The following GFRAL variants were observed in gnomAD, a reference collection of about 807,000 sequenced individuals.
GFRAL encodes GDNF family receptor alpha-like.
GFRAL carries 36 observed loss-of-function variants against 45.4 expected under a neutral mutation model. The ratio of observed to expected loss-of-function variants is 0.79; its 90% CI spans 0.61 to 1.05. GFRAL has a LOEUF of 1.05. Among genes scored for constraint, GFRAL ranks in the 50% least tolerant of loss-of-function variants. The probability of loss-of-function intolerance (pLI) is 0.00; values close to 1 mark genes in which losing one functional copy is unlikely to be tolerated. For missense variants in GFRAL, 507 were observed against 467.5 expected (o/e 1.08, Z -0.78); for synonymous variants, 166 against 154.1 (o/e 1.08, Z -0.57).
intron 6 of GFRAL, among the ~76,000 whole-genome samples, chr6:55,395,193 T>TATATATATAA (rs1768808580): frequency 1.4e-5 from 2 of 147,160 alleles, no homozygotes; most frequent in African/African-American, 5.0e-5. Context: ...TATATATATA[T>TATATATATAA]AAGCCAGCTA....
intron 6 of GFRAL, among the ~76,000 whole-genome samples, chr6:55,373,999 G>A (rs924310226): frequency 2.6e-5 from 4 of 152,114 alleles, no homozygotes; most frequent in Non-Finnish European, 4.4e-5. Context: ...CACATGCAGT[G>A]TTCGGTTTTC....
At chr6:55,351,646 C>T (rs371895151) in intron 5 of GFRAL, 63 bp downstream of exon 5, 166 of 1,169,528 alleles carry the variant, frequency 1.4e-4, no homozygotes, top group East Asian at 5.5e-4. Flanking sequence ...TAGTCCAGTC[C>T]TAACACTTGA....
At chr6:55,382,159 T>C (rs1768619320) in intron 6 of GFRAL, among the ~76,000 whole-genome samples, 1 of 151,932 alleles carries the variant, frequency 6.6e-6, no homozygotes, top group South Asian at 2.1e-4. Flanking sequence ...CAGTATTTGG[T>C]ATTTTCTGGA....
intron 5 of GFRAL, among the ~76,000 whole-genome samples, chr6:55,356,658 A>G (rs1768198807): frequency 6.6e-6 from 1 of 151,552 alleles, no homozygotes; most frequent in Non-Finnish European, 1.5e-5. Flanking sequence ...CCAACTTTTC[A>G]TTTTGTTAAT....
At chr6:55,355,383 A>G (rs2127356308) in intron 5 of GFRAL, among the ~76,000 whole-genome samples, 1 of 152,140 alleles carries the variant, frequency 6.6e-6, no homozygotes, top group East Asian at 1.9e-4. Context: ...CAAATGTTTG[A>G]ATGGCTATAG....
At chr6:55,344,307 G>T (rs532646558) in intron 3 of GFRAL, among the ~76,000 whole-genome samples, 1 of 152,084 alleles carries the variant, frequency 6.6e-6, no homozygotes, top group East Asian at 1.9e-4. Flanking sequence ...CTGGCAAACC[G>T]AATCCAGCAG....
chr6:55,402,058 C>A lies in GFRAL; in HGVS notation c.*205C>A. ...ATGGCTCAATCTCGGTTCACTGCAA[C>A]CTCTGCCTCCAAGGTTCAAGTGATT... On this transcript the variant is annotated 3_prime_UTR_variant, in exon 9 of 9. Transcript: ENST00000340465. 1 of 416,374 alleles carries A rather than the reference C, an allele frequency of 2.4e-6. No individual in the cohort carries two copies. Among genetic ancestry groups the A allele is most frequent in the Non-Finnish European group, 4.2e-6 (1 of 237,388 alleles). 25.8% of individuals were successfully genotyped at this position (416,374 alleles called of 1,614,324 possible). A position where few individuals can be genotyped will look rare whatever the true frequency, so the allele number is the denominator to read the frequency against.
chr6:55,395,640 G>A (rs1426496802), intron 6 of GFRAL, among the ~76,000 whole-genome samples: 1 of 151,902 alleles, frequency 6.6e-6, no homozygotes, highest in Non-Finnish European at 1.5e-5. Context: ...TATATCTCAA[G>A]TATTCTGACA....
intron 6 of GFRAL, among the ~76,000 whole-genome samples, chr6:55,392,431 A>G (rs968642562): frequency 6.6e-6 from 1 of 152,202 alleles, no homozygotes; most frequent in Non-Finnish European, 1.5e-5. Flanking sequence ...GTGGACATTT[A>G]CAGGTAACTA....
At chr6:55,371,511 C>A (rs1007925562) in intron 6 of GFRAL, among the ~76,000 whole-genome samples, 1 of 152,014 alleles carries the variant, frequency 6.6e-6, no homozygotes, top group African/African-American at 2.4e-5. Context: ...TAGTGAGCAC[C>A]CTTGCCTTGT....
intron 6 of GFRAL, among the ~76,000 whole-genome samples, chr6:55,396,008 G>A (rs529328452): frequency 1.8e-4 from 27 of 152,210 alleles, no homozygotes; most frequent in African/African-American, 6.5e-4. Context: ...AGAGCAGATG[G>A]TCTGGGGCTG....
intron 6 of GFRAL, among the ~76,000 whole-genome samples, chr6:55,395,976 C>A (rs1401171758): frequency 1.3e-5 from 2 of 152,072 alleles, no homozygotes; most frequent in Non-Finnish European, 2.9e-5. Context: ...AAACAAGTCA[C>A]TGACAGTGTT....
At position 55,330,591 on chromosome 6, in the gene GFRAL, T is replaced by C. The variant is rs367624724; in HGVS notation, c.23-1124T>C. Among the ~76,000 whole-genome samples the C allele has an allele frequency of 2.8e-4, 42 of 152,250 alleles. 1 individual carries two copies. In the South Asian group the frequency reaches 4.4e-3, roughly 16 times the overall value. The stretch of plus-strand genomic sequence containing the variant: ...CCAGAAGAAAAAGAAAGAAAATACT[T>C]ATCAGGGATCAGACAGTAGGTATGC... On this transcript the variant is annotated intron_variant, in intron 1 of 8. Coordinates refer to ENST00000340465, the MANE Select transcript of GFRAL (RefSeq NM_207410.2).
At chr6:55,397,488 G>A (rs1056425154) in intron 6 of GFRAL, among the ~76,000 whole-genome samples, 3 of 121,770 alleles carry the variant, frequency 2.5e-5, no homozygotes, top group East Asian at 5.2e-4. Flanking sequence ...ACTGCAGTCC[G>A]CAGTCCGGCC....
chr6:55,354,364 T>G (rs1309557555), intron 5 of GFRAL, among the ~76,000 whole-genome samples: 3 of 151,860 alleles, frequency 2.0e-5, no homozygotes, highest in African/African-American at 7.3e-5. Context: ...GGGTCTGGAG[T>G]GGGATAAGCA....
intron 2 of GFRAL, among the ~76,000 whole-genome samples, chr6:55,332,910 T>A (rs1232119694): frequency 1.3e-5 from 2 of 152,244 alleles, no homozygotes; most frequent in East Asian, 3.9e-4. Context: ...CATAGTCAAT[T>A]TATACAGTAG....
intron 6 of GFRAL, among the ~76,000 whole-genome samples, chr6:55,375,512 G>A (rs973119241): frequency 6.6e-6 from 1 of 152,092 alleles, no homozygotes; most frequent in Non-Finnish European, 1.5e-5. Context: ...ATTAGCTTAA[G>A]AAGCCTTTGG....
intron 3 of GFRAL, among the ~76,000 whole-genome samples, chr6:55,343,593 C>T (rs2127352880): frequency 6.6e-6 from 1 of 152,268 alleles, no homozygotes; most frequent in South Asian, 2.1e-4. Flanking sequence ...CTAAAATTGA[C>T]ACCCTAACAT....
chr6:55,328,478 G>A (rs950383215), intron 1 of GFRAL, among the ~76,000 whole-genome samples: 23 of 151,954 alleles, frequency 1.5e-4, no homozygotes, highest in African/African-American at 5.3e-4. Flanking sequence ...AAGGAAACAA[G>A]TTAAGAAGGA....
Sources: allele counts gnomAD v4.1 joint callset (sites outside exome capture counted in the v4.1 genomes callset), GRCh38; gene constraint gnomAD v4.1.1; transcripts MANE v1.5; gene names NCBI Gene and HGNC (gene_info 2026-07-23, HGNC 2026-07-21).